The following CTNND2 variants were observed in gnomAD, a reference collection of about 807,000 sequenced individuals.
CTNND2 encodes catenin delta 2.
CTNND2 carries 22 observed loss-of-function variants against 144.4 expected under a neutral mutation model. That is an observed-to-expected ratio of 0.15 (90% CI 0.11 to 0.22). CTNND2 has a LOEUF of 0.22. Among genes scored for constraint, CTNND2 ranks in the 10% least tolerant of loss-of-function variants. The pLI, the probability that CTNND2 is intolerant of heterozygous loss-of-function variation, is 1.00. For synonymous variants in CTNND2, 751 were observed against 695.6 expected (o/e 1.08, Z -1.25); for missense variants, 1,353 against 1,618.8 (o/e 0.84, Z 2.82).
In CTNND2 at chr5:11,904,254, G is replaced by A. The variant is rs902519311; in HGVS notation, c.-401C>T. 6.9e-6 allele frequency among the ~76,000 whole-genome samples: 1 copy of A among 145,278 alleles called. No homozygotes were observed. Among genetic ancestry groups the A allele is most frequent in the Non-Finnish European group, 1.5e-5 (1 of 65,530 alleles). ...CGAGCCTGGGGCCGCCGCGGCGCCC[G>A]GCGCCGAGCGCTCCCGAGCTGCGCC... On this transcript the variant is annotated 5_prime_UTR_variant, in exon 1 of 22. Coordinates refer to ENST00000304623, the MANE Select transcript of CTNND2 (RefSeq NM_001332.4). This position sits in a 1 kb window ranked among gnomAD's most constrained non-coding sequence, Gnocchi z 4.2.
At chr5:11,636,963 TA>T (rs2126488687) in intron 2 of CTNND2, among the ~76,000 whole-genome samples, 1 of 151,974 alleles carries the variant, frequency 6.6e-6, no homozygotes, top group South Asian at 2.1e-4. Context: ...TAGGAATAAA[TA>T]ATATCATGAT....
chr5:11,810,414 CT>C (rs1792261736), intron 1 of CTNND2, among the ~76,000 whole-genome samples: 1 of 152,084 alleles, frequency 6.6e-6, no homozygotes, highest in African/African-American at 2.4e-5. Flanking sequence ...TAAGCTTAAT[CT>C]TGAAAAGCAA....
intron 11 of CTNND2, among the ~76,000 whole-genome samples, chr5:11,197,652 G>A (rs1366482183): frequency 6.6e-6 from 1 of 152,190 alleles, no homozygotes; most frequent in Non-Finnish European, 1.5e-5. Context: ...CCGACACCCA[G>A]AAGCTGTTGG....
At position 11,346,572 on chromosome 5, in the gene CTNND2, G is replaced by C. The variant is rs771436418; in HGVS notation, c.1428C>G (p.His476Gln). Reference sequence around the variant, plus strand: ...TGGCCGCGGCGGCATTCTGTGGGCCGTGCTGGCTGCCTGTGCGCTGCAAGG... The same window carrying C: ...TGGCCGCGGCGGCATTCTGTGGGCCCTGCTGGCTGCCTGTGCGCTGCAAGG... ...SVPLQRTGSQ[H>Q]GPQNAAAATF... The change falls in exon 9 of 22, where the codon CAC becomes CAG. Residue 476 changes from histidine (H) to glutamine (Q), a missense_variant. Around this residue, in one of 4 missense-constraint regions of CTNND2, gnomAD observed 708 missense variants for 706.4 expected, o/e 1.00. Transcript: ENST00000304623. The C allele has an allele frequency of 3.1e-6, 5 of 1,597,256 alleles. No homozygotes were observed. The highest frequency in any genetic ancestry group is 1.7e-5 in the Admixed American group (1 of 57,576).
At chr5:11,658,821 G>C (rs1242690774) in intron 2 of CTNND2, among the ~76,000 whole-genome samples, 4 of 152,120 alleles carry the variant, frequency 2.6e-5, no homozygotes, top group African/African-American at 9.7e-5. Context: ...GTTTCAAAAA[G>C]ATGTACAGAC....
At chr5:11,745,477 C>T (rs1788259119) in intron 1 of CTNND2, among the ~76,000 whole-genome samples, 1 of 152,172 alleles carries the variant, frequency 6.6e-6, no homozygotes, top group African/African-American at 2.4e-5. Context: ...CTATCCAGAC[C>T]TCTCTTTGGC....
At chr5:11,467,358 G>A (rs190612620) in intron 3 of CTNND2, among the ~76,000 whole-genome samples, 1 of 152,338 alleles carries the variant, frequency 6.6e-6, no homozygotes, top group East Asian at 1.9e-4. Context: ...TTGGCCCTGA[G>A]ATGCTCTCTG....
At chr5:11,287,969 T>C (rs1250814027) in intron 9 of CTNND2, among the ~76,000 whole-genome samples, 1 of 152,236 alleles carries the variant, frequency 6.6e-6, no homozygotes, top group Non-Finnish European at 1.5e-5. Flanking sequence ...AGCAAATAAT[T>C]TATTTTCTTA....
chr5:11,864,618 C>T, intron 1 of CTNND2, among the ~76,000 whole-genome samples: 1 of 152,148 alleles, frequency 6.6e-6, no homozygotes, highest in East Asian at 1.9e-4. Context: ...TTCTCAGCCA[C>T]AGGACTGCTA....
chr5:11,110,387 T>C (rs759706121), intron 14 of CTNND2, among the ~76,000 whole-genome samples: 6 of 151,726 alleles, frequency 4.0e-5, no homozygotes, highest in Non-Finnish European at 5.9e-5. Flanking sequence ...CCATTTCCAA[T>C]GGAAAGTGTG....
intron 7 of CTNND2, among the ~76,000 whole-genome samples, chr5:11,382,607 G>A (rs866642751): frequency 0.068 from 9,679 of 142,008 alleles, 419 homozygotes; most frequent in Middle Eastern, 0.094. Flanking sequence ...GTGTGTGTGT[G>A]TGTGTGTGTG....
intron 15 of CTNND2, among the ~76,000 whole-genome samples, chr5:11,096,186 C>G (rs1490992213): frequency 2.6e-5 from 4 of 152,068 alleles, no homozygotes; most frequent in Non-Finnish European, 2.9e-5. Context: ...ATTTATTATA[C>G]TTTAAGTTCT....
Position 11,397,163 on chromosome 5 carries a change from G to C in CTNND2, c.480C>G (p.Ser160=). 3 of 1,614,224 alleles carry C rather than the reference G, an allele frequency of 1.9e-6. No individual in the cohort carries two copies. Among genetic ancestry groups the C allele is most frequent in the Non-Finnish European group, 2.5e-6 (3 of 1,180,030 alleles). The change falls in exon 6 of 22, where the codon TCC becomes TCG. Residue 160 remains serine (S), a synonymous_variant. Transcript: ENST00000304623. ...GATACTGGAAAGACCCTTCAGGTTTGGAATTGAGCTGAAGTGCACTCTGGG... is the reference window on the plus strand; with the variant it reads ...GATACTGGAAAGACCCTTCAGGTTTCGAATTGAGCTGAAGTGCACTCTGGG... ...LLSQSALQLN[S]KPEGSFQYPA... is the part of the protein sequence containing the mutation.
chr5:11,510,599 T>G (rs1004687534), intron 3 of CTNND2, among the ~76,000 whole-genome samples: 4 of 152,214 alleles, frequency 2.6e-5, no homozygotes, highest in Non-Finnish European at 5.9e-5. Flanking sequence ...ATAAGAAACA[T>G]AATTCAAAGT....
chr5:11,725,775 T>C (rs59500276), intron 2 of CTNND2, among the ~76,000 whole-genome samples: 8,563 of 152,262 alleles, frequency 0.056, 817 homozygotes, highest in African/African-American at 0.2. Context: ...AATATGTAAA[T>C]TAAAGGAATT....
chr5:11,648,263 G>A (rs1314528867), intron 2 of CTNND2, among the ~76,000 whole-genome samples: 1 of 150,678 alleles, frequency 6.6e-6, no homozygotes, highest in East Asian at 1.9e-4. Flanking sequence ...TGAACTCAAT[G>A]GAATTTAATT....
At chr5:11,791,675 A>G (rs1402773537) in intron 1 of CTNND2, among the ~76,000 whole-genome samples, 2 of 152,192 alleles carry the variant, frequency 1.3e-5, no homozygotes, top group Non-Finnish European at 2.9e-5. Context: ...CTCCAATGTA[A>G]TTTTGCTATG....
At chr5:11,792,880 C>T (rs1175334207) in intron 1 of CTNND2, among the ~76,000 whole-genome samples, 1 of 152,132 alleles carries the variant, frequency 6.6e-6, no homozygotes, top group Admixed American at 6.5e-5. Flanking sequence ...CCAACAAAGG[C>T]TTAAAATGAT....
intron 3 of CTNND2, among the ~76,000 whole-genome samples, chr5:11,508,758 A>C (rs1255515329): frequency 1.3e-5 from 2 of 152,138 alleles, no homozygotes. Flanking sequence ...CTAAAAATAC[A>C]AAATTAGACA....
Sources: allele counts gnomAD v4.1 joint callset (sites outside exome capture counted in the v4.1 genomes callset), GRCh38; gene constraint gnomAD v4.1.1; regional missense constraint gnomAD v4.1.1; non-coding constraint Gnocchi (gnomAD v3.1); transcripts MANE v1.5; gene names NCBI Gene and HGNC (gene_info 2026-07-23, HGNC 2026-07-21).